CHST9: variants seen among roughly 807,000 people sequenced by gnomAD.
CHST9 encodes the protein carbohydrate sulfotransferase 9.
Under a neutral mutation model 44.4 loss-of-function variants are expected in CHST9, and 41 were observed. The ratio of observed to expected loss-of-function variants is 0.92; its 90% CI spans 0.72 to 1.20. The LOEUF is 1.20. CHST9 is among the 50% of genes most tolerant of loss of function. The pLI is 0.00. For missense variants in CHST9, 504 were observed against 516.5 expected (o/e 0.98, Z 0.23); for synonymous variants, 171 against 178.4 (o/e 0.96, Z 0.33).
intron 2 of CHST9, among the ~76,000 whole-genome samples, chr18:27,091,182 T>C (rs954471680): frequency 3.9e-5 from 6 of 152,208 alleles, no homozygotes; most frequent in Admixed American, 1.3e-4. Context: ...GTTGGATTCC[T>C]AGGTATTTTA....
rs1420340245 is a variant in CHST9 at position 26,919,941 on chromosome 18, C to T, written c.241-2591G>A. ...GGAGTGATTTCCCTGCAGCCCACGGCTGCTTCCAGGACATCACCCAGCAAA... is the reference window on the plus strand; with the variant it reads ...GGAGTGATTTCCCTGCAGCCCACGGTTGCTTCCAGGACATCACCCAGCAAA... On this transcript the variant is annotated intron_variant, in intron 5 of 5. Transcript: ENST00000618847. Among the ~76,000 whole-genome samples, 5 of 152,210 alleles carry T rather than the reference C, an allele frequency of 3.3e-5. No individual in the cohort carries two copies. In the East Asian group the frequency reaches 9.6e-4, roughly 29 times the overall value.
At chr18:26,952,211 G>A (rs556232912) in intron 4 of CHST9, 91 of 526,758 alleles carry the variant, frequency 1.7e-4, no homozygotes, top group African/African-American at 1.7e-3. Flanking sequence ...GTTGGCATTT[G>A]GACCAAACAA....
At chr18:27,027,922 CAG>C (rs1463506520) in intron 3 of CHST9, among the ~76,000 whole-genome samples, 3 of 152,058 alleles carry the variant, frequency 2.0e-5, no homozygotes, top group African/African-American at 7.2e-5. Context: ...TTTTTTGAGA[CAG>C]AGTCTTGCTC....
intron 3 of CHST9, among the ~76,000 whole-genome samples, chr18:27,038,667 TTAA>T (rs1249511318): frequency 2.0e-5 from 3 of 152,240 alleles, no homozygotes; most frequent in Non-Finnish European, 4.4e-5. Context: ...TTAATTTTAA[TTAA>T]TTAAAATGTT....
In CHST9 at chr18:26,911,127, T is replaced by G. The variant is rs2055434364; in HGVS notation, c.*5132A>C. The G allele has an allele frequency of 6.6e-6, 1 of 152,216 alleles. No individual in the cohort carries two copies. Among genetic ancestry groups the G allele is most frequent in the Non-Finnish European group, 1.5e-5 (1 of 68,048 alleles). 9.4% of individuals were successfully genotyped at this position (152,216 alleles called of 1,614,324 possible). On this transcript the variant is annotated 3_prime_UTR_variant, in exon 6 of 6. Transcript: ENST00000618847. ...CTTCCTTTCAGATCCTCTGGTCCTA[T>G]AGATGCCTGAAGGTCACAGGCAGAA...
At chr18:27,062,074 C>T (rs2057728790) in intron 2 of CHST9, among the ~76,000 whole-genome samples, 1 of 152,158 alleles carries the variant, frequency 6.6e-6, no homozygotes, top group African/African-American at 2.4e-5. Context: ...ACACTCAGTC[C>T]TCTCTTACTG....
intron 4 of CHST9, among the ~76,000 whole-genome samples, chr18:26,986,040 A>G (rs1032524935): frequency 6.6e-6 from 1 of 152,236 alleles, no homozygotes; most frequent in Non-Finnish European, 1.5e-5. Flanking sequence ...AACATCCAAT[A>G]TAAAACAGGA....
intron 2 of CHST9, among the ~76,000 whole-genome samples, chr18:27,071,415 T>G (rs1029557754): frequency 6.6e-6 from 1 of 152,230 alleles, no homozygotes; most frequent in African/African-American, 2.4e-5. Flanking sequence ...TTGCTTATAG[T>G]TCTCTTGTGA....
chr18:26,966,721 G>A (rs1487086708), intron 4 of CHST9, among the ~76,000 whole-genome samples: 1 of 152,058 alleles, frequency 6.6e-6, no homozygotes, highest in Non-Finnish European at 1.5e-5. Flanking sequence ...AGCTCCCCTG[G>A]CAGTGGTGGA....
At chr18:27,065,198 G>A (rs920436836) in intron 2 of CHST9, among the ~76,000 whole-genome samples, 1 of 152,162 alleles carries the variant, frequency 6.6e-6, no homozygotes, top group Non-Finnish European at 1.5e-5. Context: ...GTCGGACTTT[G>A]GTCTGCTTTC....
At chr18:26,966,730 G>T (rs890566727) in intron 4 of CHST9, among the ~76,000 whole-genome samples, 2 of 152,132 alleles carry the variant, frequency 1.3e-5, no homozygotes, top group African/African-American at 4.8e-5. Context: ...GGCAGTGGTG[G>T]AGAAGATCCC....
At chr18:27,176,417 G>A (rs1018405783) in intron 1 of CHST9, among the ~76,000 whole-genome samples, 1 of 151,946 alleles carries the variant, frequency 6.6e-6, no homozygotes, top group Non-Finnish European at 1.5e-5. Flanking sequence ...TGACGGCAGA[G>A]GCAGATTTTT....
chr18:27,044,158 CAT>C (rs2057474336), intron 3 of CHST9, among the ~76,000 whole-genome samples: 1 of 151,964 alleles, frequency 6.6e-6, no homozygotes, highest in Admixed American at 6.6e-5. Flanking sequence ...TGAAATTCCT[CAT>C]GATACCTTGT....
At chr18:27,184,375 C>T (rs1220708133) in intron 1 of CHST9, among the ~76,000 whole-genome samples, 4 of 152,160 alleles carry the variant, frequency 2.6e-5, no homozygotes, top group African/African-American at 9.7e-5. Context: ...ATAACACCTT[C>T]TAACAGAAAC....
chr18:27,071,766 G>T (rs2057842975), intron 2 of CHST9, among the ~76,000 whole-genome samples: 1 of 152,180 alleles, frequency 6.6e-6, no homozygotes, highest in Non-Finnish European at 1.5e-5. Flanking sequence ...TATTGCTAGA[G>T]GACATACAAA....
At chr18:26,925,114 A>G (rs1434488485) in intron 5 of CHST9, among the ~76,000 whole-genome samples, 3 of 152,082 alleles carry the variant, frequency 2.0e-5, no homozygotes, top group Non-Finnish European at 2.9e-5. Flanking sequence ...ATGGAGAAAA[A>G]ACTTGGTGCA....
At chr18:27,029,935 C>T (rs1022891114) in intron 3 of CHST9, among the ~76,000 whole-genome samples, 4 of 152,140 alleles carry the variant, frequency 2.6e-5, no homozygotes, top group Non-Finnish European at 5.9e-5. Flanking sequence ...TTAGGTAATA[C>T]TATTTAAGCA....
intron 2 of CHST9, among the ~76,000 whole-genome samples, chr18:27,075,791 C>T (rs571305350): frequency 1.1e-4 from 17 of 152,090 alleles, no homozygotes; most frequent in Admixed American, 2.6e-4. Flanking sequence ...ATTGATTACA[C>T]AACACCTAAA....
At chr18:27,055,406 T>C (rs1351804784) in intron 2 of CHST9, among the ~76,000 whole-genome samples, 3 of 152,048 alleles carry the variant, frequency 2.0e-5, no homozygotes, top group African/African-American at 7.2e-5. Flanking sequence ...AAGTGGAAGG[T>C]GGTAGGGTTT....
Sources: allele counts gnomAD v4.1 joint callset (sites outside exome capture counted in the v4.1 genomes callset), GRCh38; gene constraint gnomAD v4.1.1; transcripts MANE v1.5; gene names NCBI Gene and HGNC (gene_info 2026-07-23, HGNC 2026-07-21).